The following PSMA1 variants were observed in gnomAD, a reference collection of about 807,000 sequenced individuals.
PSMA1 encodes the protein proteasome 20S subunit alpha 1, also known as proteasome subunit alpha type-1.
PSMA1 carries 3 observed loss-of-function variants against 38.4 expected under a neutral mutation model. The observed-to-expected ratio is 0.08, with a 90% CI of 0.04 to 0.20. PSMA1 has a LOEUF of 0.20. Among genes scored for constraint, PSMA1 ranks in the 10% least tolerant of loss-of-function variants. The pLI is 1.00. For synonymous variants in PSMA1, 101 were observed against 107.1 expected (o/e 0.94, Z 0.35); for missense variants, 227 against 325.3 (o/e 0.70, Z 2.32).
At chr11:14,635,001 G>T (rs1853094129) in intron 1 of PSMA1, among the ~76,000 whole-genome samples, 2 of 152,140 alleles carry the variant, frequency 1.3e-5, no homozygotes, top group African/African-American at 4.8e-5. Context: ...TTCCTATGAA[G>T]GTTTAGAAAT....
intron 2 of PSMA1, among the ~76,000 whole-genome samples, chr11:14,570,549 A>G (rs984433937): frequency 7.2e-5 from 11 of 152,258 alleles, no homozygotes; most frequent in African/African-American, 1.9e-4. Context: ...AAGCTATGGC[A>G]GGAGAACATG....
At chr11:14,605,081 T>G (rs1852627056) in intron 2 of PSMA1, among the ~76,000 whole-genome samples, 1 of 152,228 alleles carries the variant, frequency 6.6e-6, no homozygotes, top group South Asian at 2.1e-4. Flanking sequence ...GTAATGGGAT[T>G]GCTAGGTTGA....
At chr11:14,635,567 C>T (rs1590018681) in intron 1 of PSMA1, among the ~76,000 whole-genome samples, 2 of 152,072 alleles carry the variant, frequency 1.3e-5, no homozygotes, top group East Asian at 3.8e-4. Context: ...ATGTACAAGT[C>T]TTTATTTTGC....
chr11:14,560,748 A>G (rs1458036420), intron 2 of PSMA1, among the ~76,000 whole-genome samples: 1 of 152,190 alleles, frequency 6.6e-6, no homozygotes, highest in East Asian at 1.9e-4. Flanking sequence ...TGTATGCTGC[A>G]TCCTGGAAGA....
intron 2 of PSMA1, among the ~76,000 whole-genome samples, chr11:14,596,455 T>C (rs1852495070): frequency 6.6e-6 from 1 of 152,230 alleles, no homozygotes; most frequent in African/African-American, 2.4e-5. Context: ...GAAGAGGTCC[T>C]TCACGTCCCT....
chr11:14,584,497 TTTG>T, intron 2 of PSMA1, among the ~76,000 whole-genome samples: 2 of 147,334 alleles, frequency 1.4e-5, no homozygotes, highest in South Asian at 2.1e-4. Flanking sequence ...GAGTGTTTTT[TTTG>T]TTTTTTGTTT....
chr11:14,599,848 C>T (rs1239764884), intron 2 of PSMA1, among the ~76,000 whole-genome samples: 2 of 152,196 alleles, frequency 1.3e-5, no homozygotes, highest in Middle Eastern at 3.2e-3. Flanking sequence ...TTCAGCTTTT[C>T]TGCTCTGGTT....
intron 2 of PSMA1, among the ~76,000 whole-genome samples, chr11:14,548,467 T>C (rs1216401240): frequency 6.6e-6 from 1 of 152,210 alleles, no homozygotes; most frequent in Non-Finnish European, 1.5e-5. Context: ...TATGTATGTA[T>C]ATATACACAT....
intron 2 of PSMA1, among the ~76,000 whole-genome samples, chr11:14,579,502 T>C (rs1320711766): frequency 1.3e-5 from 2 of 150,854 alleles, no homozygotes; most frequent in African/African-American, 4.9e-5. Context: ...TTTTTTTTTT[T>C]TTTTTTTAAA....
intron 1 of PSMA1, among the ~76,000 whole-genome samples, chr11:14,626,713 G>A (rs1852916411): frequency 1.3e-5 from 2 of 152,170 alleles, no homozygotes; most frequent in Admixed American, 6.5e-5. Flanking sequence ...CAGAGCACGT[G>A]AAAAGGCTTT....
upstream of PSMA1, among the ~76,000 whole-genome samples, chr11:14,524,922 C>T (rs907741910): frequency 4.6e-5 from 7 of 152,152 alleles, no homozygotes; most frequent in Non-Finnish European, 7.4e-5. Flanking sequence ...TGACTGACTC[C>T]TTCCCAGATC....
intron 2 of PSMA1, among the ~76,000 whole-genome samples, chr11:14,594,876 A>G (rs1275392618): frequency 1.3e-5 from 2 of 152,110 alleles, no homozygotes; most frequent in Non-Finnish European, 2.9e-5. Context: ...CATCATTTAC[A>G]TTAGGTAATT....
chr11:14,616,425 G>T (rs1340267381), intron 1 of PSMA1, among the ~76,000 whole-genome samples: 1 of 151,790 alleles, frequency 6.6e-6, no homozygotes, highest in Non-Finnish European at 1.5e-5. Context: ...AGGGATGGAG[G>T]TCTCACCATG....
At chr11:14,625,372 C>T (rs183184001) in intron 1 of PSMA1, among the ~76,000 whole-genome samples, 6 of 152,086 alleles carry the variant, frequency 3.9e-5, no homozygotes, top group African/African-American at 9.7e-5. Flanking sequence ...CACTTGAACC[C>T]GGGAGGCAAA....
intron 2 of PSMA1, among the ~76,000 whole-genome samples, chr11:14,602,895 T>A (rs1445227697): frequency 6.6e-6 from 1 of 152,238 alleles, no homozygotes; most frequent in African/African-American, 2.4e-5. Context: ...GTGACCCCAA[T>A]ACAGGATGGG....
At chr11:14,529,576 TCTTAA>T (rs887433138) in intron 2 of PSMA1, among the ~76,000 whole-genome samples, 4 of 152,208 alleles carry the variant, frequency 2.6e-5, no homozygotes, top group African/African-American at 9.7e-5. Context: ...GCAAGAACAT[TCTTAA>T]CTTGGCTACT....
chr11:14,617,472 G>C (rs1021680603), intron 1 of PSMA1, among the ~76,000 whole-genome samples: 1 of 152,082 alleles, frequency 6.6e-6, no homozygotes, highest in Non-Finnish European at 1.5e-5. Flanking sequence ...GACTGGCACA[G>C]GGTAAGCACT....
intron 2 of PSMA1, among the ~76,000 whole-genome samples, chr11:14,593,663 C>T (rs903695153): frequency 8.8e-6 from 1 of 112,996 alleles, no homozygotes; most frequent in African/African-American, 3.2e-5. Flanking sequence ...AGAGAGAGAG[C>T]GCCAGCCCTA....
At chr11:14,511,426 A>C (rs1851341021) in intron 7 of PSMA1, among the ~76,000 whole-genome samples, 1 of 152,190 alleles carries the variant, frequency 6.6e-6, no homozygotes, top group South Asian at 2.1e-4. Flanking sequence ...CAAAAACTAC[A>C]AACGGAACCT....
Sources: allele counts gnomAD v4.1 joint callset (sites outside exome capture counted in the v4.1 genomes callset), GRCh38; gene constraint gnomAD v4.1.1; transcripts MANE v1.5; gene names NCBI Gene and HGNC (gene_info 2026-07-23, HGNC 2026-07-21).